IHO1: variants seen among roughly 807,000 people sequenced by gnomAD.
The protein encoded by IHO1 is interactor of HORMAD1 protein 1.
A neutral mutation model predicts 31.0 loss-of-function variants in IHO1; 13 were observed. The ratio of observed to expected loss-of-function variants is 0.42; its 90% confidence interval spans 0.27 to 0.67. The LOEUF (loss-of-function observed/expected upper bound fraction) is 0.67. Among genes scored for constraint, IHO1 ranks in the 30% least tolerant of loss-of-function variants. The pLI is 0.24. For synonymous variants in IHO1, 221 were observed against 248.4 expected (o/e 0.89, Z 1.04); for missense variants, 599 against 687.5 (o/e 0.87, Z 1.44).
intron 7 of IHO1, among the ~76,000 whole-genome samples, chr3:49,255,799 C>T (rs1214741616): frequency 6.6e-6 from 1 of 151,998 alleles, no homozygotes; most frequent in Non-Finnish European, 1.5e-5. Context: ...GATCCACCTG[C>T]CTTAGCCTCC....
intron 1 of IHO1, among the ~76,000 whole-genome samples, chr3:49,207,150 A>G (rs2046149314): frequency 1.3e-5 from 2 of 150,888 alleles, no homozygotes; most frequent in Admixed American, 6.6e-5. Context: ...TTAGTTTGTT[A>G]CTTGATGACC....
At chr3:49,193,191 T>C in the IHO1 span, among the ~76,000 whole-genome samples, 1 of 151,162 alleles carries the variant, frequency 6.6e-6, no homozygotes, top group East Asian at 2.0e-4. Context: ...GGCAACATGG[T>C]GAAACTCTGT....
At chr3:49,234,025 G>A (rs2046515759) in intron 2 of IHO1, among the ~76,000 whole-genome samples, 1 of 152,042 alleles carries the variant, frequency 6.6e-6, no homozygotes, top group Non-Finnish European at 1.5e-5. Context: ...TAGAAATAAT[G>A]CTTATCACTG....
chr3:49,224,850 A>G lies in IHO1; in HGVS notation c.57-11698A>G, dbSNP rs143827779. 9.8e-5 allele frequency among the ~76,000 whole-genome samples: 15 copies of G among 152,326 alleles called. No homozygotes were observed. In the East Asian group the frequency reaches 2.7e-3, roughly 27 times the overall value. ...GAGAAAAGTGGCAGGGTTGAGGGCTACGCATGTATGTATTTGAAGGGCCAT... is the reference window on the plus strand; with the variant it reads ...GAGAAAAGTGGCAGGGTTGAGGGCTGCGCATGTATGTATTTGAAGGGCCAT... On this transcript the variant is annotated intron_variant, in intron 2 of 7. Coordinates refer to ENST00000452691, the MANE Select transcript of IHO1 (RefSeq NM_001135197.2).
chr3:49,213,250 C>T (rs1392334730), intron 2 of IHO1, among the ~76,000 whole-genome samples: 2 of 152,068 alleles, frequency 1.3e-5, no homozygotes, highest in African/African-American at 4.8e-5. Flanking sequence ...GGTGCATTTA[C>T]AAACCTTGAG....
At chr3:49,197,910 T>G (rs926388838), upstream of IHO1, among the ~76,000 whole-genome samples, 1 of 151,864 alleles carries the variant, frequency 6.6e-6, no homozygotes, top group Admixed American at 6.6e-5. Flanking sequence ...AAGAAGATAG[T>G]AAATATGTTC....
At chr3:49,251,802 A>G (rs947554054) in intron 6 of IHO1, among the ~76,000 whole-genome samples, 1 of 151,500 alleles carries the variant, frequency 6.6e-6, no homozygotes, top group South Asian at 2.1e-4. Context: ...GGGTTTCTCC[A>G]TGTTGGTCAG....
chr3:49,211,056 G>A (rs567003039), intron 1 of IHO1, among the ~76,000 whole-genome samples: 1 of 140,456 alleles, frequency 7.1e-6, no homozygotes, highest in East Asian at 2.1e-4. Flanking sequence ...CGCCCAGGCT[G>A]GAGTGCAGTG....
intron 6 of IHO1, among the ~76,000 whole-genome samples, chr3:49,253,828 C>CTTTTTTTTTTTTTT (rs139087366): frequency 1.4e-5 from 1 of 72,236 alleles, no homozygotes; most frequent in Non-Finnish European, 2.4e-5. Flanking sequence ...CTTTATTTGT[C>CTTTTTTTTTTTTTT]TTTTTTTTTT....
At chr3:49,202,851 A>ATTTTTTT (rs71077774) in intron 1 of IHO1, among the ~76,000 whole-genome samples, 2 of 90,150 alleles carry the variant, frequency 2.2e-5, no homozygotes, top group Admixed American at 1.3e-4. Flanking sequence ...AATTTTTTGT[A>ATTTTTTT]TTTTTTTTTT....
chr3:49,208,138 A>T (rs916858377), intron 1 of IHO1, among the ~76,000 whole-genome samples: 1 of 152,246 alleles, frequency 6.6e-6, no homozygotes, highest in African/African-American at 2.4e-5. Context: ...CTTAAGGGAA[A>T]CATGCTTTTC....
chr3:49,244,701 T>C lies in IHO1; in HGVS notation c.500T>C (p.Ile167Thr). 6.2e-7 allele frequency: 1 copy of C among 1,614,154 alleles called. No homozygotes were observed. Among genetic ancestry groups the C allele is most frequent in the South Asian group, 1.1e-5 (1 of 91,086 alleles). The change falls in exon 6 of 8, where the codon ATT becomes ACT. Residue 167 changes from isoleucine (I) to threonine (T), a missense_variant. Transcript: ENST00000452691. The part of the protein sequence containing the change: ...EDHLSSRSQS[I>T]LDSLETVAKT... ...CATCTCAGTTCAAGAAGCCAATCTA[T>C]TTTGGATTCTTTGGAGACTGTGGCC...
chr3:49,202,741 T>C (rs1176457660), intron 1 of IHO1, among the ~76,000 whole-genome samples: 1 of 151,714 alleles, frequency 6.6e-6, no homozygotes, highest in African/African-American at 2.4e-5. Context: ...GATGGCGCAG[T>C]CTTGGCTCAC....
chr3:49,241,885 T>C (rs1465394291), intron 4 of IHO1, among the ~76,000 whole-genome samples: 1 of 151,542 alleles, frequency 6.6e-6, no homozygotes, highest in Non-Finnish European at 1.5e-5. Flanking sequence ...CCTCCCAAAA[T>C]GCTGGAATTA....
Position 49,256,100 on chromosome 3 carries a change from C to T in IHO1, c.637-34C>T, listed in dbSNP as rs1045461273. 5 of 1,544,960 alleles carry T rather than the reference C, an allele frequency of 3.2e-6. No individual in the cohort carries two copies. The highest frequency in any genetic ancestry group is 3.5e-6 in the Non-Finnish European group (4 of 1,135,040). ...TATTGTGCTTTCTGACTTGCACTGT[C>T]CATCACTGTCTTTCTCACTGCCTCT... On this transcript the variant is annotated intron_variant, in intron 7 of 7. Coordinates refer to ENST00000452691, the MANE Select transcript of IHO1 (RefSeq NM_001135197.2). This position sits in a 1 kb window ranked among gnomAD's most constrained non-coding sequence, Gnocchi z 4.6.
In IHO1 at chr3:49,255,407, G is replaced by A; in HGVS notation, c.550G>A (p.Ala184Thr). Residue 184 changes from alanine to threonine, a missense_variant, in exon 7 of 8, where the codon GCC becomes ACC. Physicochemically the swap from Ala to Thr is moderately conservative, Grantham distance 58. Transcript: ENST00000452691. The part of the protein sequence containing the change: ...VAKTLQETIQ[A>T]QNDLVFEAVQ... ...GTATTTAGTACAAGAGACTATACAG[G>A]CCCAGAATGACCTGGTGTTTGAGGC... 1 of 1,602,580 alleles carries A rather than the reference G, an allele frequency of 6.2e-7. No homozygotes were observed. Among genetic ancestry groups the A allele is most frequent in the Non-Finnish European group, 8.5e-7 (1 of 1,176,882 alleles).
intron 2 of IHO1, among the ~76,000 whole-genome samples, chr3:49,222,236 C>T (rs765224977): frequency 4.6e-5 from 7 of 152,260 alleles, no homozygotes; most frequent in Admixed American, 1.3e-4. Context: ...TATGGCTCTG[C>T]GCTGACGGAT....
intron 2 of IHO1, among the ~76,000 whole-genome samples, chr3:49,232,014 C>G (rs537371773): frequency 6.6e-6 from 1 of 152,188 alleles, no homozygotes; most frequent in Non-Finnish European, 1.5e-5. Flanking sequence ...TGCGTGGACA[C>G]CTTTTCTTAC....
At position 49,257,603 on chromosome 3, in the gene IHO1, G is replaced by C. The variant is rs2046841155; in HGVS notation, c.*321G>C. On this transcript the variant is annotated 3_prime_UTR_variant, in exon 8 of 8. Transcript: ENST00000452691. ...CGAAAGGCAGGCAGGCCTCCTTATG[G>C]AATACTGTGTAGCAGAAGGGCTCTC... The C allele has an allele frequency of 3.4e-6, 1 of 293,846 alleles. No homozygotes were observed. Among genetic ancestry groups the C allele is most frequent in the Non-Finnish European group, 6.5e-6 (1 of 154,740 alleles). 18.2% of individuals were successfully genotyped at this position (293,846 alleles called of 1,614,324 possible). A position where few individuals can be genotyped will look rare whatever the true frequency, so the allele number is the denominator to read the frequency against.
Sources: gnomAD v4.1 joint callset for allele counts (sites outside exome capture counted in the v4.1 genomes callset) on GRCh38, gnomAD v4.1.1 for gene constraint, Gnocchi (gnomAD v3.1) non-coding constraint, MANE v1.5 for transcripts, NCBI Gene and HGNC (gene_info 2026-07-23, HGNC 2026-07-21) for gene names.